BTF3L4: variants seen among roughly 807,000 people sequenced by gnomAD.
BTF3L4 encodes the protein basic transcription factor 3 like 4.
Under a neutral mutation model 16.8 loss-of-function variants are expected in BTF3L4, and 6 were observed. The ratio of observed to expected loss-of-function variants is 0.36; its 90% CI spans 0.20 to 0.71. BTF3L4 has a LOEUF of 0.71. BTF3L4 is among the 30% of genes least tolerant of loss of function. The pLI is 0.58. For missense variants in BTF3L4, 92 were observed against 186.9 expected (o/e 0.49, Z 2.96); for synonymous variants, 39 against 59.8 (o/e 0.65, Z 1.60).
At position 52,086,168 on chromosome 1, in the gene BTF3L4, C is replaced by T; in HGVS notation, c.427C>T (p.Pro143Ser). The change falls in exon 5 of 6, where the codon CCA becomes TCA. Residue 143 changes from proline (P) to serine (S), a missense_variant. Pro to Ser is a moderately conservative substitution (Grantham distance 74, BLOSUM62 -1). Coordinates refer to ENST00000313334, the MANE Select transcript of BTF3L4 (RefSeq NM_152265.5). The stretch of plus-strand genomic sequence containing the variant: ...CATTGATGAGGAAGATGATGATGTT[C>T]CAGGTAAGTGACATTTCCTTAGACT... ...EDIDEEDDDV[P>S]DLVENFDEAS... 1.9e-6 allele frequency: 3 copies of T among 1,609,774 alleles called. No homozygotes were observed. The highest frequency in any genetic ancestry group is 2.5e-6 in the Non-Finnish European group (3 of 1,177,672).
At position 52,081,370 on chromosome 1, in the gene BTF3L4, C is replaced by T. The variant is rs57509524; in HGVS notation, c.169-1970C>T. Among the ~76,000 whole-genome samples the T allele has an allele frequency of 4.1e-3, 623 of 152,206 alleles. 4 individuals carry two copies. The highest frequency in any genetic ancestry group is 0.014 in the African/African-American group (594 of 41,524). On this transcript the variant is annotated intron_variant, in intron 3 of 5. Transcript: ENST00000313334. Reference sequence around the variant, plus strand: ...GCTGATTCTGAACTCTTGATCTGCCCACCTTGGCCTCCCAAAGTGCTAGGA... The same window carrying T: ...GCTGATTCTGAACTCTTGATCTGCCTACCTTGGCCTCCCAAAGTGCTAGGA...
chr1:52,079,640 A>AT (rs1159788641), intron 3 of BTF3L4, among the ~76,000 whole-genome samples: 1 of 152,124 alleles, frequency 6.6e-6, no homozygotes, highest in Non-Finnish European at 1.5e-5. Flanking sequence ...GGTGTAAAAT[A>AT]TAACAACATT....
chr1:52,073,232 T>C (rs971934772), intron 3 of BTF3L4, among the ~76,000 whole-genome samples: 1 of 151,934 alleles, frequency 6.6e-6, no homozygotes, highest in Non-Finnish European at 1.5e-5. Context: ...TGCAGTGAGC[T>C]GAGGCCATGC....
chr1:52,072,948 C>T (rs1257112117), intron 3 of BTF3L4, among the ~76,000 whole-genome samples: 2 of 152,210 alleles, frequency 1.3e-5, no homozygotes, highest in Non-Finnish European at 2.9e-5. Context: ...ATCCCAGCTA[C>T]TCAGGAGGCT....
rs1373085902 is a variant in BTF3L4, at chr1:52,073,487, G to GCA, written c.168+8550_168+8551insAC. Among the ~76,000 whole-genome samples the GCA allele has an allele frequency of 2.1e-3, 197 of 94,362 alleles. 5 individuals carry two copies. In the East Asian group the frequency reaches 0.05, roughly 24 times the overall value. 61.9% of individuals were successfully genotyped at this position (94,362 alleles called of 152,430 possible). On this transcript the variant is annotated intron_variant, in intron 3 of 5. Transcript: ENST00000313334. Reference sequence around the variant, plus strand: ...CACTATATATATGCACTATATATATGCTACATACACACACACACACACACA... The same window carrying GCA: ...CACTATATATATGCACTATATATATGCACTACATACACACACACACACACACA...
At chr1:52,057,014 C>A (rs1415827575) in intron 1 of BTF3L4, among the ~76,000 whole-genome samples, 1 of 152,194 alleles carries the variant, frequency 6.6e-6, no homozygotes, top group Non-Finnish European at 1.5e-5. Flanking sequence ...CAATAGTTAC[C>A]AGTAACTGTG....
At chr1:52,065,562 G>A (rs1051806988) in intron 3 of BTF3L4, among the ~76,000 whole-genome samples, 40 of 151,868 alleles carry the variant, frequency 2.6e-4, no homozygotes, top group Middle Eastern at 6.8e-3. Context: ...CACCGCGCCC[G>A]GCCAGACTTT....
In BTF3L4 at chr1:52,064,813, G is replaced by A. The variant is rs201447294; in HGVS notation, c.55-12G>A. The A allele has an allele frequency of 1.0e-4, 162 of 1,582,600 alleles. No homozygotes were observed. The African/African-American group carries it at 2.0e-3, about 20-fold the overall frequency. On this transcript the variant is annotated splice_polypyrimidine_tract_variant and intron_variant, in intron 2 of 5. Coordinates refer to ENST00000313334, the MANE Select transcript of BTF3L4 (RefSeq NM_152265.5). ...ATGCTAACACTTCTGCTTCTGTTTG[G>A]TTATTTTTCAGGGTACAGCTCGCAG... is the stretch of plus-strand genomic sequence containing the variant.
chr1:52,082,857 C>A, intron 3 of BTF3L4, among the ~76,000 whole-genome samples: 1 of 151,972 alleles, frequency 6.6e-6, no homozygotes, highest in East Asian at 1.9e-4. Context: ...CACCTGGTTA[C>A]GTTTCTGAGT....
At chr1:52,082,296 G>C (rs1287664973) in intron 3 of BTF3L4, among the ~76,000 whole-genome samples, 1 of 152,184 alleles carries the variant, frequency 6.6e-6, no homozygotes, top group Non-Finnish European at 1.5e-5. Flanking sequence ...GTTCATATTG[G>C]TGAAAGTTAT....
chr1:52,056,722 C>T (rs1686369490), intron 1 of BTF3L4, among the ~76,000 whole-genome samples: 2 of 152,236 alleles, frequency 1.3e-5, no homozygotes, highest in African/African-American at 2.4e-5. Context: ...TTTATACAGG[C>T]TCTCTGTTGT....
intron 4 of BTF3L4, among the ~76,000 whole-genome samples, chr1:52,085,004 G>GA (rs925379428): frequency 3.2e-5 from 4 of 126,332 alleles, no homozygotes; most frequent in Non-Finnish European, 4.9e-5. Flanking sequence ...CAAAAGAAAT[G>GA]AAAAAAATCT....
At chr1:52,082,092 A>T (rs894275771) in intron 3 of BTF3L4, among the ~76,000 whole-genome samples, 1 of 152,210 alleles carries the variant, frequency 6.6e-6, no homozygotes, top group Non-Finnish European at 1.5e-5. Flanking sequence ...GTTACCCCAC[A>T]AGGTAACTTA....
At chr1:52,081,654 G>A (rs1388587511) in intron 3 of BTF3L4, among the ~76,000 whole-genome samples, 1 of 152,126 alleles carries the variant, frequency 6.6e-6, no homozygotes, top group Non-Finnish European at 1.5e-5. Flanking sequence ...TATCTTTTCT[G>A]AAGTTAACAT....
intron 3 of BTF3L4, among the ~76,000 whole-genome samples, chr1:52,079,936 A>G (rs1397124210): frequency 7.0e-6 from 1 of 143,196 alleles, no homozygotes; most frequent in African/African-American, 2.6e-5. Flanking sequence ...CAATGGCATG[A>G]TCTGAGCTCA....
At chr1:52,065,043 C>A in intron 3 of BTF3L4, 105 bp downstream of exon 3, 1 of 547,072 alleles carries the variant, frequency 1.8e-6, no homozygotes, top group Non-Finnish European at 3.2e-6. Flanking sequence ...TTGATATTGT[C>A]ACTCTGATGT....
chr1:52,088,899 C>T lies in BTF3L4; in HGVS notation c.*2141C>T, dbSNP rs1643995163. The T allele has an allele frequency of 6.6e-6, 1 of 151,370 alleles. No homozygotes were observed. The highest frequency in any genetic ancestry group is 6.6e-5 in the Admixed American group (1 of 15,172). The allele number at this position is 151,370 out of a possible 1,614,324, so 9.4% of individuals were successfully genotyped here. ...TCAAGCGATTCTCCTGTCTCAGCCT[C>T]CACAGTAGCTGGGATTTTTTTTTTT... On this transcript the variant is annotated 3_prime_UTR_variant, in exon 6 of 6. Transcript: ENST00000313334.
At chr1:52,085,898 G>GA (rs1331079666) in intron 4 of BTF3L4, among the ~76,000 whole-genome samples, 2 of 151,816 alleles carry the variant, frequency 1.3e-5, no homozygotes, top group Non-Finnish European at 2.9e-5. Flanking sequence ...GTCACACATG[G>GA]AAATTGCCAG....
At chr1:52,063,687 A>G (rs1686575339) in intron 2 of BTF3L4, among the ~76,000 whole-genome samples, 2 of 152,230 alleles carry the variant, frequency 1.3e-5, no homozygotes, top group South Asian at 2.1e-4. Flanking sequence ...CACAGTATCA[A>G]TTTAGAAATG....
Sources: allele counts gnomAD v4.1 joint callset (sites outside exome capture counted in the v4.1 genomes callset), GRCh38; gene constraint gnomAD v4.1.1; transcripts MANE v1.5; gene names NCBI Gene and HGNC (gene_info 2026-07-23, HGNC 2026-07-21).